The following ATRN variants were observed in gnomAD, a reference collection of about 807,000 sequenced individuals.
ATRN encodes the protein attractin.
In ATRN, 54 loss-of-function variants were observed where a neutral mutation model predicts 178.7. That is an observed-to-expected ratio of 0.30 (90% confidence interval 0.24 to 0.38). The LOEUF is 0.38. ATRN is among the 10% of genes least tolerant of loss of function. The pLI is 1.00. For missense variants in ATRN, 1,443 were observed against 1,815.1 expected (o/e 0.79, Z 3.73); for synonymous variants, 636 against 663.0 (o/e 0.96, Z 0.63).
chr20:3,644,350 C>T lies in ATRN; in HGVS notation c.4165+82C>T, dbSNP rs2087091609. On this transcript the variant is annotated intron_variant, in intron 28 of 28. Transcript: ENST00000262919. ...TGGGATACTTCCCTTTCCTAGAGAA[C>T]AAGGTTATAAAGGTGATAACCAACA... 4.1e-6 allele frequency: 5 copies of T among 1,233,382 alleles called. No homozygotes were observed. The South Asian group carries it at 6.5e-5, about 16-fold the overall frequency. 76.4% of individuals were successfully genotyped at this position (1,233,382 alleles called of 1,614,324 possible). A position where few individuals can be genotyped will look rare whatever the true frequency, so the allele number is the denominator to read the frequency against.
chr20:3,617,559 C>T (rs953190666), intron 24 of ATRN, among the ~76,000 whole-genome samples: 5 of 152,088 alleles, frequency 3.3e-5, no homozygotes, highest in Non-Finnish European at 7.4e-5. Flanking sequence ...TAGCTCATGT[C>T]TGTAATCCCA....
chr20:3,492,870 C>CGCGCGCGCGCGCGT (rs1555807926), intron 1 of ATRN, among the ~76,000 whole-genome samples: 1 of 113,294 alleles, frequency 8.8e-6, no homozygotes, highest in African/African-American at 4.0e-5. Context: ...CGCGCGCGTG[C>CGCGCGCGCGCGCGT]GCACGCACAC....
At chr20:3,509,422 T>G (rs758850376) in intron 1 of ATRN, among the ~76,000 whole-genome samples, 2 of 152,170 alleles carry the variant, frequency 1.3e-5, no homozygotes, top group Non-Finnish European at 2.9e-5. Flanking sequence ...GAAAAAATGA[T>G]TCTAAATGTG....
chr20:3,560,604 G>A, intron 7 of ATRN, 58 bp from the exon 8 acceptor site: 1 of 1,397,270 alleles, frequency 7.2e-7, no homozygotes, highest in Non-Finnish European at 9.9e-7. Flanking sequence ...GTTCTTCTCT[G>A]TTCTCAGATT....
intron 3 of ATRN, among the ~76,000 whole-genome samples, chr20:3,541,334 C>G (rs889837201): frequency 6.6e-6 from 1 of 152,124 alleles, no homozygotes; most frequent in African/African-American, 2.4e-5. Flanking sequence ...GCCTCGGCCT[C>G]CCAAAGTGCT....
intron 18 of ATRN, among the ~76,000 whole-genome samples, chr20:3,588,584 C>T (rs918124139): frequency 1.3e-5 from 2 of 152,068 alleles, no homozygotes; most frequent in East Asian, 3.8e-4. Flanking sequence ...CTGTTGGATT[C>T]TATTTGCTAG....
At chr20:3,552,250 ATAG>A (rs2085799000) in intron 6 of ATRN, among the ~76,000 whole-genome samples, 1 of 152,234 alleles carries the variant, frequency 6.6e-6, no homozygotes, top group Admixed American at 6.5e-5. Context: ...GTGACCTCAT[ATAG>A]TATCTTGGCC....
chr20:3,612,962 A>G (rs1360866454), intron 24 of ATRN, among the ~76,000 whole-genome samples: 1 of 152,040 alleles, frequency 6.6e-6, no homozygotes, highest in Admixed American at 6.6e-5. Flanking sequence ...CCAGTTCCCT[A>G]TTGCTCCACC....
At chr20:3,629,329 ACTCTT>A in intron 25 of ATRN, 2 of 982,696 alleles carry the variant, frequency 2.0e-6, no homozygotes, top group East Asian at 1.1e-4. Flanking sequence ...TTCAGCTTGC[ACTCTT>A]CTCTTCCACA....
chr20:3,599,837 T>C (rs922232446), intron 22 of ATRN, among the ~76,000 whole-genome samples: 1 of 152,220 alleles, frequency 6.6e-6, no homozygotes, highest in African/African-American at 2.4e-5. Context: ...AGCTGTCCTT[T>C]CAAGATGAAG....
At chr20:3,496,486 G>A (rs2084881140) in intron 1 of ATRN, among the ~76,000 whole-genome samples, 1 of 152,130 alleles carries the variant, frequency 6.6e-6, no homozygotes, top group African/African-American at 2.4e-5. Flanking sequence ...TAATCCTGGA[G>A]TTCTAGTTTG....
intron 11 of ATRN, among the ~76,000 whole-genome samples, chr20:3,567,115 C>T (rs985073913): frequency 3.9e-5 from 6 of 152,206 alleles, no homozygotes; most frequent in East Asian, 1.9e-4. Context: ...GGCCACCTTG[C>T]TAATTTGAAG....
chr20:3,643,591 A>G (rs1221459663), intron 27 of ATRN, among the ~76,000 whole-genome samples: 2 of 152,208 alleles, frequency 1.3e-5, no homozygotes, highest in East Asian at 3.8e-4. Context: ...AGAAGATGAA[A>G]ACATATTTTC....
chr20:3,641,235 G>A (rs1387909043), intron 27 of ATRN, among the ~76,000 whole-genome samples: 1 of 152,132 alleles, frequency 6.6e-6, no homozygotes, highest in Non-Finnish European at 1.5e-5. Context: ...CCACTGAACT[G>A]TACATTTTTA....
chr20:3,648,975 T>C lies in ATRN; in HGVS notation c.*2128T>C, dbSNP rs1487504139. 6.6e-6 allele frequency: 1 copy of C among 152,246 alleles called. No individual in the cohort carries two copies. The highest frequency in any genetic ancestry group is 6.5e-5 in the Admixed American group (1 of 15,278). The allele number at this position is 152,246 out of a possible 1,614,324, so 9.4% of individuals were successfully genotyped here. A position where few individuals can be genotyped will look rare whatever the true frequency, so the allele number is the denominator to read the frequency against. ...GTTAGTCCTATGCCTTGAAATATCA[T>C]GCACCATGACCCACAGCCATCTGGT... On this transcript the variant is annotated 3_prime_UTR_variant, in exon 29 of 29. Coordinates refer to ENST00000262919, the MANE Select transcript of ATRN (RefSeq NM_139321.3).
chr20:3,607,181 A>T (rs1479618621), intron 24 of ATRN, among the ~76,000 whole-genome samples: 1 of 152,250 alleles, frequency 6.6e-6, no homozygotes, highest in Non-Finnish European at 1.5e-5. Flanking sequence ...CATACAATGT[A>T]TAATGATCAA....
chr20:3,471,739 C>T (rs893174074), intron 1 of ATRN, among the ~76,000 whole-genome samples: 1 of 152,166 alleles, frequency 6.6e-6, no homozygotes, highest in Admixed American at 6.5e-5. Context: ...GGTGGGGGCA[C>T]CCCGACGGTA....
intron 1 of ATRN, among the ~76,000 whole-genome samples, chr20:3,519,452 A>G: frequency 6.6e-6 from 1 of 152,236 alleles, no homozygotes; most frequent in East Asian, 1.9e-4. Flanking sequence ...TAAACAATTC[A>G]GTACATGAAT....
At chr20:3,566,904 CAAAAAAA>C (rs33920660) in intron 11 of ATRN, among the ~76,000 whole-genome samples, 4 of 86,456 alleles carry the variant, frequency 4.6e-5, no homozygotes, top group African/African-American at 4.7e-5. Flanking sequence ...GACTCCATCT[CAAAAAAA>C]AAAAAAAAAA....
Sources: allele counts gnomAD v4.1 joint callset (sites outside exome capture counted in the v4.1 genomes callset), GRCh38; gene constraint gnomAD v4.1.1; transcripts MANE v1.5; gene names NCBI Gene and HGNC (gene_info 2026-07-23, HGNC 2026-07-21).